Variants in KLB observed in about 807,000 individuals in gnomAD.
The protein encoded by KLB is klotho beta.
In KLB, 44 loss-of-function variants were observed where a neutral mutation model predicts 88.4. That is an observed-to-expected ratio of 0.50 (90% CI 0.39 to 0.64). KLB has a LOEUF of 0.64. Ranked by LOEUF, KLB falls within the 30% of genes least tolerant of loss-of-function variation. The pLI, the probability that KLB is intolerant of heterozygous loss-of-function variation, is 0.00. For missense variants in KLB, 1,137 were observed against 1,304.8 expected (o/e 0.87, Z 1.98); for synonymous variants, 548 against 513.4 (o/e 1.07, Z -0.91).
Position 39,451,380 on chromosome 4 carries a change from T to C in KLB, c.*2694T>C, listed in dbSNP as rs946863793. 4 of 152,188 alleles carry C rather than the reference T, an allele frequency of 2.6e-5. No individual in the cohort carries two copies. The highest frequency in any genetic ancestry group is 2.0e-4 in the Admixed American group (3 of 15,280). 9.4% of individuals were successfully genotyped at this position (152,188 alleles called of 1,614,324 possible). A position where few individuals can be genotyped will look rare whatever the true frequency, so the allele number is the denominator to read the frequency against. On this transcript the variant is annotated 3_prime_UTR_variant, in exon 5 of 5. Coordinates refer to ENST00000257408, the MANE Select transcript of KLB (RefSeq NM_175737.4). ...GATGTGTTGTGAAAAATCTAACGTG[T>C]TTATCGTATATTCAATGTAACAACC...
chr4:39,417,465 C>T (rs991604057), intron 1 of KLB, among the ~76,000 whole-genome samples: 1 of 152,082 alleles, frequency 6.6e-6, no homozygotes, highest in Non-Finnish European at 1.5e-5. Flanking sequence ...AGGCATACAC[C>T]GCCACGCCTG....
At chr4:39,419,110 G>T (rs1743024324) in intron 1 of KLB, among the ~76,000 whole-genome samples, 1 of 151,640 alleles carries the variant, frequency 6.6e-6, no homozygotes, top group South Asian at 2.1e-4. Context: ...TAAGAATCGT[G>T]TAAAAAAAAA....
intron 2 of KLB, among the ~76,000 whole-genome samples, chr4:39,436,061 T>C (rs933544150): frequency 3.3e-5 from 5 of 152,188 alleles, no homozygotes; most frequent in African/African-American, 1.2e-4. Flanking sequence ...ACTCCTTCTC[T>C]ATTACTCAAG....
chr4:39,436,370 G>A, intron 2 of KLB, among the ~76,000 whole-genome samples: 1 of 152,172 alleles, frequency 6.6e-6, no homozygotes, highest in East Asian at 1.9e-4. Context: ...GCACATAGGG[G>A]CCAAGGCTGA....
chr4:39,409,622 T>C (rs942983712), intron 1 of KLB, among the ~76,000 whole-genome samples: 4 of 151,626 alleles, frequency 2.6e-5, no homozygotes, highest in African/African-American at 9.7e-5. Flanking sequence ...TTCATGCTCA[T>C]GTACATTTAA....
chr4:39,448,701 A>T lies in KLB; in HGVS notation c.*15A>T, dbSNP rs780840373. 4 of 1,591,134 alleles carry T rather than the reference A, an allele frequency of 2.5e-6. No individual in the cohort carries two copies. In the Admixed American group the frequency reaches 6.9e-5, roughly 28 times the overall value. ...TTGTTAGCTAAACTGATCTGTCTGC[A>T]TGATAGACAGTTTAAAAATTCATCC... On this transcript the variant is annotated 3_prime_UTR_variant, in exon 5 of 5. Transcript: ENST00000257408.
chr4:39,418,944 TAA>T (rs35661811), intron 1 of KLB, among the ~76,000 whole-genome samples: 102 of 116,852 alleles, frequency 8.7e-4, no homozygotes, highest in East Asian at 1.7e-3. Context: ...ATGCCATCTC[TAA>T]AAAAAAAAAA....
chr4:39,436,585 C>T (rs1437036869), intron 2 of KLB, among the ~76,000 whole-genome samples: 1 of 152,088 alleles, frequency 6.6e-6, no homozygotes, highest in Non-Finnish European at 1.5e-5. Flanking sequence ...TGACAAAAAT[C>T]CCCAAAATGC....
intron 1 of KLB, among the ~76,000 whole-genome samples, chr4:39,420,992 T>G (rs1050907178): frequency 5.3e-5 from 8 of 152,256 alleles, no homozygotes; most frequent in African/African-American, 1.9e-4. Context: ...TGTATATATG[T>G]ACACATAACA....
chr4:39,431,581 A>G (rs938556282), intron 1 of KLB, among the ~76,000 whole-genome samples: 1 of 152,234 alleles, frequency 6.6e-6, no homozygotes, highest in African/African-American at 2.4e-5. Context: ...ATCCTTGGGA[A>G]TACCTGGGTG....
chr4:39,427,801 G>A (rs2687984), intron 1 of KLB, among the ~76,000 whole-genome samples: 92,333 of 152,010 alleles, frequency 0.61, 29,437 homozygotes, highest in Admixed American at 0.71. Flanking sequence ...AGATATTATT[G>A]CCTCATTTGA....
intron 3 of KLB, among the ~76,000 whole-genome samples, chr4:39,438,580 C>T (rs1219773855): frequency 6.6e-6 from 1 of 152,212 alleles, no homozygotes; most frequent in Non-Finnish European, 1.5e-5. Flanking sequence ...CTCGCCACCA[C>T]CTGACATACT....
Position 39,446,306 on chromosome 4 carries a change from G to T in KLB, c.1606-26G>T. ...AGCCTCCATCTGCCAGCGCATGCTT[G>T]ACCTAAATGAGCTTGTTTTTCACAG... On this transcript the variant is annotated intron_variant, in intron 3 of 4. Transcript: ENST00000257408. This position sits in a 1 kb window ranked among gnomAD's most constrained non-coding sequence, Gnocchi z 6.4. The T allele has an allele frequency of 6.3e-7, 1 of 1,598,842 alleles. No homozygotes were observed. Among genetic ancestry groups the T allele is most frequent in the South Asian group, 1.1e-5 (1 of 89,094 alleles).
rs368528686 is a variant in KLB at position 39,424,785 on chromosome 4, C to T, written c.826-9425C>T. 5.8e-4 allele frequency among the ~76,000 whole-genome samples: 88 copies of T among 152,098 alleles called. 2 individuals are homozygous for T. In the East Asian group the frequency reaches 0.014, roughly 25 times the overall value. The stretch of plus-strand genomic sequence containing the variant: ...CTGGGACTACAGGCATGTGCCACCA[C>T]GCCTGGCTAATTTTTGTATTTTTAA... On this transcript the variant is annotated intron_variant, in intron 1 of 4. Transcript: ENST00000257408.
intron 1 of KLB, among the ~76,000 whole-genome samples, chr4:39,409,087 C>T (rs1417280678): frequency 6.6e-6 from 1 of 151,504 alleles, no homozygotes; most frequent in Non-Finnish European, 1.5e-5. Flanking sequence ...TACATCTGCC[C>T]TTGAGGTAAA....
chr4:39,427,521 G>C (rs1046257277), intron 1 of KLB, among the ~76,000 whole-genome samples: 2 of 149,424 alleles, frequency 1.3e-5, no homozygotes, highest in Non-Finnish European at 3.0e-5. Flanking sequence ...TACCAAAATA[G>C]AGAAGGGCTA....
intron 1 of KLB, among the ~76,000 whole-genome samples, chr4:39,430,081 G>C (rs1384273510): frequency 6.6e-6 from 1 of 152,208 alleles, no homozygotes; most frequent in Non-Finnish European, 1.5e-5. Flanking sequence ...GAGCTCTACT[G>C]TTTCTCATTC....
chr4:39,449,069 A>T lies in KLB; in HGVS notation c.*383A>T, dbSNP rs1349545030. On this transcript the variant is annotated 3_prime_UTR_variant, in exon 5 of 5. Transcript: ENST00000257408. ...GCTGGACGCTGTGGCTCACACCTGTAATCTCAGCACTTTGGGAGGCCGAGG... is the reference window on the plus strand; with the variant it reads ...GCTGGACGCTGTGGCTCACACCTGTTATCTCAGCACTTTGGGAGGCCGAGG... 6.0e-6 allele frequency: 1 copy of T among 165,314 alleles called. No individual in the cohort carries two copies. The highest frequency in any genetic ancestry group is 1.3e-5 in the Non-Finnish European group (1 of 76,256). The allele number at this position is 165,314 out of a possible 1,614,324, so 10.2% of individuals were successfully genotyped here. A position where few individuals can be genotyped will look rare whatever the true frequency, so the allele number is the denominator to read the frequency against.
Position 39,451,310 on chromosome 4 carries a change from G to C in KLB, c.*2624G>C, listed in dbSNP as rs986405377. 3.3e-5 allele frequency: 5 copies of C among 152,182 alleles called. No homozygotes were observed. Among genetic ancestry groups the C allele is most frequent in the African/African-American group, 1.2e-4 (5 of 41,432 alleles). 9.4% of individuals were successfully genotyped at this position (152,182 alleles called of 1,614,324 possible). On this transcript the variant is annotated 3_prime_UTR_variant, in exon 5 of 5. Transcript: ENST00000257408. ...GGTCAACCAGAAACTGATAACTCTT[G>C]AAAGGAGCAAACAGGTAAGATCTTT...
Sources: allele counts gnomAD v4.1 joint callset (sites outside exome capture counted in the v4.1 genomes callset), GRCh38; gene constraint gnomAD v4.1.1; non-coding constraint Gnocchi (gnomAD v3.1); transcripts MANE v1.5; gene names NCBI Gene and HGNC (gene_info 2026-07-23, HGNC 2026-07-21).